Variants in PDCD6IP observed in about 807,000 individuals in gnomAD.
The protein encoded by PDCD6IP is programmed cell death 6 interacting protein.
PDCD6IP carries 43 observed loss-of-function variants against 103.7 expected under a neutral mutation model. The observed-to-expected ratio is 0.41, with a 90% CI of 0.32 to 0.53. The LOEUF (loss-of-function observed/expected upper bound fraction) is 0.53. PDCD6IP is among the 20% of genes least tolerant of loss of function. The pLI, the probability that PDCD6IP is intolerant of heterozygous loss-of-function variation, is 0.16. For missense variants in PDCD6IP, 871 were observed against 1,036.7 expected (o/e 0.84, Z 2.20); for synonymous variants, 354 against 378.7 (o/e 0.93, Z 0.76).
At position 33,864,107 on chromosome 3, in the gene PDCD6IP, C is replaced by G. The variant is rs1042625975; in HGVS notation, c.2222C>G (p.Thr741Ser). Residue 741 changes from threonine (T) to serine (S), a missense_variant, in exon 16 of 18, where the codon ACT becomes AGT. Thr to Ser is a moderately conservative substitution (Grantham distance 58, BLOSUM62 1). This residue lies in a region of PDCD6IP where 202 missense variants were observed against 205.2 expected (regional missense o/e 0.98). Coordinates refer to ENST00000307296, the MANE Select transcript of PDCD6IP (RefSeq NM_013374.6). ...GGAGGACATGCACCAACTCCTCCAACTCCAGCGCCAAGAACCATGCCGGTT... is the reference window on the plus strand; with the variant it reads ...GGAGGACATGCACCAACTCCTCCAAGTCCAGCGCCAAGAACCATGCCGGTT... Reference protein sequence around the residue: ...PAGGHAPTPPTPAPRTMPPTK... With the variant: ...PAGGHAPTPPSPAPRTMPPTK... 3.9e-5 allele frequency: 62 copies of G among 1,607,508 alleles called. No individual in the cohort carries two copies. The highest frequency in any genetic ancestry group is 4.6e-5 in the Non-Finnish European group (54 of 1,174,208).
chr3:33,850,614 T>G (rs114222188), intron 12 of PDCD6IP, among the ~76,000 whole-genome samples: 8 of 152,332 alleles, frequency 5.3e-5, no homozygotes, highest in Non-Finnish European at 1.2e-4. Flanking sequence ...CCTTCTGTCT[T>G]ACTCAAATTG....
At chr3:33,861,327 A>G (rs1384330319) in intron 15 of PDCD6IP, among the ~76,000 whole-genome samples, 2 of 152,104 alleles carry the variant, frequency 1.3e-5, no homozygotes, top group Non-Finnish European at 2.9e-5. Context: ...TATTTTTAGT[A>G]GAGACGGGTT....
intron 1 of PDCD6IP, among the ~76,000 whole-genome samples, chr3:33,810,724 T>C (rs1260451097): frequency 6.6e-6 from 1 of 152,182 alleles, no homozygotes; most frequent in Non-Finnish European, 1.5e-5. Context: ...GCAGATTGCT[T>C]GAGCCTGGGA....
chr3:33,798,825 G>T lies in PDCD6IP; in HGVS notation c.97G>T (p.Gly33Trp). 6.4e-7 allele frequency: 1 copy of T among 1,561,870 alleles called. No individual in the cohort carries two copies. The highest frequency in any genetic ancestry group is 8.7e-7 in the Non-Finnish European group (1 of 1,153,248). ...CATCCAGCAGACTTACCCAAGCGGCGGGGAAGAGCAGGCCCAGTACTGCCG... is the reference window on the plus strand; with the variant it reads ...CATCCAGCAGACTTACCCAAGCGGCTGGGAAGAGCAGGCCCAGTACTGCCG... Reference protein sequence around the residue: ...KFIQQTYPSGGEEQAQYCRAA... With the variant: ...KFIQQTYPSGWEEQAQYCRAA... Residue 33 changes from glycine to tryptophan, a missense_variant, in exon 1 of 18, where the codon GGG becomes TGG. Around this residue, in one of 5 missense-constraint regions of PDCD6IP, gnomAD observed 114 missense variants for 106.7 expected, o/e 1.07. Transcript: ENST00000307296.
At chr3:33,839,529 ACT>A (rs1472060275) in intron 9 of PDCD6IP, among the ~76,000 whole-genome samples, 1 of 151,796 alleles carries the variant, frequency 6.6e-6, no homozygotes, top group African/African-American at 2.4e-5. Context: ...CAGTTTGTTA[ACT>A]CTTTCACCTG....
intron 5 of PDCD6IP, 53 bp from the exon 6 acceptor site, chr3:33,826,427 A>G: frequency 1.6e-6 from 2 of 1,235,184 alleles, no homozygotes; most frequent in Middle Eastern, 2.2e-4. Flanking sequence ...ATACTGAGAC[A>G]TGTCAGATTA....
chr3:33,863,632 G>T (rs540833251), intron 15 of PDCD6IP, among the ~76,000 whole-genome samples: 1 of 152,150 alleles, frequency 6.6e-6, no homozygotes, highest in Non-Finnish European at 1.5e-5. Context: ...ATTCCATGGT[G>T]TATATATACT....
At chr3:33,824,732 A>G (rs1485646426) in intron 4 of PDCD6IP, among the ~76,000 whole-genome samples, 4 of 152,264 alleles carry the variant, frequency 2.6e-5, no homozygotes, top group Non-Finnish European at 5.9e-5. Context: ...GGCAATGGGT[A>G]GTAATGCTGT....
intron 15 of PDCD6IP, among the ~76,000 whole-genome samples, chr3:33,863,305 A>G (rs1295430667): frequency 3.9e-5 from 6 of 152,198 alleles, no homozygotes; most frequent in Admixed American, 2.6e-4. Context: ...TCTTCTAGCT[A>G]TTTTGAAATA....
chr3:33,821,123 C>A (rs1696981774), intron 3 of PDCD6IP, among the ~76,000 whole-genome samples: 1 of 152,046 alleles, frequency 6.6e-6, no homozygotes, highest in Middle Eastern at 3.2e-3. Context: ...CCTCCCGCCT[C>A]CGAGTAGCTA....
intron 15 of PDCD6IP, among the ~76,000 whole-genome samples, chr3:33,861,629 A>G (rs1697958362): frequency 6.6e-6 from 1 of 152,206 alleles, no homozygotes; most frequent in African/African-American, 2.4e-5. Flanking sequence ...GATATTGTCA[A>G]ATAGTTTTCC....
Position 33,864,026 on chromosome 3 carries a change from C to G in PDCD6IP, c.2141C>G (p.Ala714Gly). 1.2e-6 allele frequency: 2 copies of G among 1,613,402 alleles called. No individual in the cohort carries two copies. Among genetic ancestry groups the G allele is most frequent in the Non-Finnish European group, 1.7e-6 (2 of 1,179,484 alleles). The change falls in exon 16 of 18, where the codon GCC (alanine) becomes GGC (glycine). Residue 714 changes from alanine to glycine, a missense_variant. Coordinates refer to ENST00000307296, the MANE Select transcript of PDCD6IP (RefSeq NM_013374.6). ...ATAAGGGACTTGCAACAAAGCATTGCCAGAGAACCTAGTGCTCCTTCAATT... is the reference window on the plus strand; with the variant it reads ...ATAAGGGACTTGCAACAAAGCATTGGCAGAGAACCTAGTGCTCCTTCAATT... ...ELLKDLQQSI[A>G]REPSAPSIPT...
intron 15 of PDCD6IP, among the ~76,000 whole-genome samples, chr3:33,861,001 A>T (rs1441840875): frequency 1.4e-5 from 1 of 71,696 alleles, no homozygotes; most frequent in Non-Finnish European, 2.9e-5. Context: ...AGCCGTAGTT[A>T]AAAAAAAAAA....
intron 12 of PDCD6IP, among the ~76,000 whole-genome samples, chr3:33,852,162 G>A (rs1205645283): frequency 6.6e-6 from 1 of 152,170 alleles, no homozygotes; most frequent in Admixed American, 6.5e-5. Flanking sequence ...CTTTGGAATA[G>A]AGGTCATAAA....
intron 8 of PDCD6IP, among the ~76,000 whole-genome samples, chr3:33,837,352 G>C (rs1346458784): frequency 2.0e-5 from 3 of 152,208 alleles, no homozygotes; most frequent in Non-Finnish European, 4.4e-5. Flanking sequence ...TACTGGGAAA[G>C]GGTGATTATA....
At chr3:33,838,806 A>T (rs9874319) in intron 9 of PDCD6IP, among the ~76,000 whole-genome samples, 17,256 of 150,902 alleles carry the variant, frequency 0.11, 1,095 homozygotes, top group African/African-American at 0.16. Context: ...ATATATATAT[A>T]TTTTTTGTTT....
intron 3 of PDCD6IP, among the ~76,000 whole-genome samples, chr3:33,820,160 T>G (rs1375735043): frequency 1.3e-5 from 2 of 152,170 alleles, no homozygotes; most frequent in Non-Finnish European, 2.9e-5. Flanking sequence ...GGCCTGTGCC[T>G]GTAGTCCCAG....
Position 33,866,635 on chromosome 3 carries a change from CTGAATGCAGTGTATAATTT to C in PDCD6IP, c.*111_*129del. ...GGTTAATGTAATGTACTCTCCTGGACTGAATGCAGTGTATAATTTCTGTCTACAGCTAGAAGCTGTGCCC... is the reference window on the plus strand; with the variant it reads ...GGTTAATGTAATGTACTCTCCTGGACCTGTCTACAGCTAGAAGCTGTGCCC... On this transcript the variant is annotated 3_prime_UTR_variant, in exon 18 of 18. Transcript: ENST00000307296. The C allele has an allele frequency of 2.5e-6, 2 of 806,216 alleles. No homozygotes were observed. Among genetic ancestry groups the C allele is most frequent in the Non-Finnish European group, 3.7e-6 (2 of 543,626 alleles). The allele number at this position is 806,216 out of a possible 1,614,324, so 49.9% of individuals were successfully genotyped here. A position where few individuals can be genotyped will look rare whatever the true frequency, so the allele number is the denominator to read the frequency against.
chr3:33,806,654 C>A (rs1696606073), intron 1 of PDCD6IP, among the ~76,000 whole-genome samples: 1 of 152,198 alleles, frequency 6.6e-6, no homozygotes, highest in South Asian at 2.1e-4. Flanking sequence ...GTTAGAGATA[C>A]ATCCTAGGCT....
Sources: allele counts gnomAD v4.1 joint callset (sites outside exome capture counted in the v4.1 genomes callset), GRCh38; gene constraint gnomAD v4.1.1; regional missense constraint gnomAD v4.1.1; transcripts MANE v1.5; gene names NCBI Gene and HGNC (gene_info 2026-07-23, HGNC 2026-07-21).